PTGR2: variants seen among roughly 807,000 people sequenced by gnomAD.
PTGR2 encodes 15-oxoprostaglandin 13-reductase.
Under a neutral mutation model 43.4 loss-of-function variants are expected in PTGR2, and 32 were observed. The observed-to-expected ratio is 0.74, with a 90% CI of 0.56 to 0.99. The LOEUF (loss-of-function observed/expected upper bound fraction) is 0.99, where lower values mean the gene tolerates loss of function less well. PTGR2 is among the 50% of genes least tolerant of loss of function. PTGR2 has a pLI of 0.00. For synonymous variants in PTGR2, 106 were observed against 139.2 expected (o/e 0.76, Z 1.68); for missense variants, 373 against 420.0 (o/e 0.89, Z 0.98).
rs374905546 is a variant in PTGR2, at chr14:73,884,115, A to G, written c.994A>G (p.Met332Val). Residue 332 changes from methionine to valine, a missense_variant, in exon 10 of 10, where the codon ATG becomes GTG. By Grantham distance (21) the Met-to-Val change is conservative (BLOSUM62 1). Transcript: ENST00000555661. ...LENMGAAFQS[M>V]MTGGNIGKQI... ...TCTTTTTCCAGCTGCATTCCAGTCCATGATGACAGGAGGTAACATTGGAAA... is the reference window on the plus strand; with the variant it reads ...TCTTTTTCCAGCTGCATTCCAGTCCGTGATGACAGGAGGTAACATTGGAAA... The G allele has an allele frequency of 8.7e-6, 14 of 1,605,864 alleles. No homozygotes were observed. Among genetic ancestry groups the G allele is most frequent in the Non-Finnish European group, 1.2e-5 (14 of 1,175,598 alleles).
intron 4 of PTGR2, chr14:73,874,713 G>T: frequency 5.1e-6 from 2 of 390,958 alleles, no homozygotes; most frequent in Admixed American, 6.5e-5. Flanking sequence ...AAGGAATGGG[G>T]CTTGAGGTTT....
At chr14:73,880,646 T>C (rs1034211173) in intron 7 of PTGR2, among the ~76,000 whole-genome samples, 1 of 151,720 alleles carries the variant, frequency 6.6e-6, no homozygotes. Context: ...TGGTTCAATA[T>C]TTAGGTTCTG....
intron 3 of PTGR2, among the ~76,000 whole-genome samples, chr14:73,867,138 G>A (rs913051099): frequency 3.3e-5 from 5 of 149,738 alleles, no homozygotes; most frequent in Admixed American, 3.3e-4. Flanking sequence ...AGAAGAAGAA[G>A]GTTGAACTAA....
intron 4 of PTGR2, among the ~76,000 whole-genome samples, chr14:73,875,657 A>T (rs2054843283): frequency 6.6e-6 from 1 of 151,108 alleles, no homozygotes; most frequent in Admixed American, 6.6e-5. Context: ...GTTGATATTT[A>T]TAGGTACATG....
chr14:73,881,176 G>A, intron 7 of PTGR2, 29 bp from the exon 8 acceptor site: 1 of 1,341,896 alleles, frequency 7.5e-7, no homozygotes, highest in African/African-American at 1.4e-5. Context: ...TATATTCTCT[G>A]ATCATTATCC....
At chr14:73,878,713 G>A in intron 5 of PTGR2, 2 of 389,884 alleles carry the variant, frequency 5.1e-6, no homozygotes, top group Admixed American at 6.5e-5. Flanking sequence ...GTACTGTGTT[G>A]CCAGATGATT....
At position 73,885,586 on chromosome 14, in the gene PTGR2, G is replaced by C. The variant is rs1017528633; in HGVS notation, c.*1409G>C. On this transcript the variant is annotated 3_prime_UTR_variant, in exon 10 of 10. Coordinates refer to ENST00000555661, the MANE Select transcript of PTGR2 (RefSeq NM_001146154.2). Reference sequence around the variant, plus strand: ...CAGTTTTCGTGAGTGGCCCTTTTTTGTTACTTTTCCTGGACCATTTCATCG... The same window carrying C: ...CAGTTTTCGTGAGTGGCCCTTTTTTCTTACTTTTCCTGGACCATTTCATCG... The C allele has an allele frequency of 6.6e-6, 1 of 151,964 alleles. No individual in the cohort carries two copies. Among genetic ancestry groups the C allele is most frequent in the African/African-American group, 2.4e-5 (1 of 41,358 alleles). The allele number at this position is 151,964 out of a possible 1,614,324, so 9.4% of individuals were successfully genotyped here.
At chr14:73,872,091 T>A (rs1005789920) in intron 3 of PTGR2, among the ~76,000 whole-genome samples, 1 of 152,140 alleles carries the variant, frequency 6.6e-6, no homozygotes, top group African/African-American at 2.4e-5. Context: ...TCCTCTACAT[T>A]TTGGATTTCA....
chr14:73,873,184 C>G (rs2054777811), intron 3 of PTGR2, among the ~76,000 whole-genome samples: 1 of 149,662 alleles, frequency 6.7e-6, no homozygotes, highest in Non-Finnish European at 1.5e-5. Context: ...GCACATGCCT[C>G]TAATCCCAGC....
At position 73,882,439 on chromosome 14, in the gene PTGR2, G is replaced by A; in HGVS notation, c.979+1G>A. On this transcript the variant is annotated splice_donor_variant, in intron 9 of 9. Coordinates refer to ENST00000555661, the MANE Select transcript of PTGR2 (RefSeq NM_001146154.2). LOFTEE classifies it high-confidence loss of function. ...ATAAATGGGTTGGAAAACATGGGAG[G>A]TAAGATGAATGTAGACTTATTATAT... 1 of 1,557,864 alleles carries A rather than the reference G, an allele frequency of 6.4e-7. No individual in the cohort carries two copies. Among genetic ancestry groups the A allele is most frequent in the Non-Finnish European group, 8.8e-7 (1 of 1,130,024 alleles).
At chr14:73,868,627 CCT>C (rs2054656512) in intron 3 of PTGR2, among the ~76,000 whole-genome samples, 1 of 152,040 alleles carries the variant, frequency 6.6e-6, no homozygotes, top group African/African-American at 2.4e-5. Flanking sequence ...CTCACACTCC[CCT>C]GCCTTAAATC....
chr14:73,881,140 G>A, intron 7 of PTGR2, 65 bp from the exon 8 acceptor site: 2 of 965,410 alleles, frequency 2.1e-6, no homozygotes, highest in East Asian at 2.4e-5. Context: ...TTCTGGAATG[G>A]TTTGATCTTG....
At chr14:73,869,887 G>C (rs954888843) in intron 3 of PTGR2, among the ~76,000 whole-genome samples, 1 of 152,166 alleles carries the variant, frequency 6.6e-6, no homozygotes, top group African/African-American at 2.4e-5. Flanking sequence ...TTAGCCAGGC[G>C]TGGTGGCATG....
intron 3 of PTGR2, among the ~76,000 whole-genome samples, chr14:73,873,508 T>C (rs2054785457): frequency 6.6e-6 from 1 of 151,396 alleles, no homozygotes; most frequent in Admixed American, 6.6e-5. Flanking sequence ...TTGCCCAGGC[T>C]GGATGGAGTA....
intron 3 of PTGR2, among the ~76,000 whole-genome samples, chr14:73,873,194 C>A (rs2054777970): frequency 6.6e-6 from 1 of 151,756 alleles, no homozygotes; most frequent in South Asian, 2.1e-4. Context: ...CTAATCCCAG[C>A]TACTCGGGAG....
chr14:73,857,664 G>GTTTTGTTTTTTTTTTTTTTT (rs2054383610), intron 1 of PTGR2, among the ~76,000 whole-genome samples: 2 of 64,696 alleles, frequency 3.1e-5, no homozygotes, highest in East Asian at 5.4e-4. Context: ...AGCAGTTAGT[G>GTTTTGTTTTTTTTTTTTTTT]TTTTTTTTTT....
intron 3 of PTGR2, among the ~76,000 whole-genome samples, chr14:73,862,279 C>T (rs577659423): frequency 1.3e-5 from 2 of 152,100 alleles, no homozygotes; most frequent in African/African-American, 4.8e-5. Flanking sequence ...GCGATCTCGG[C>T]TCACTGCAAG....
chr14:73,860,732 T>C, intron 3 of PTGR2, 75 bp downstream of exon 3: 1 of 770,768 alleles, frequency 1.3e-6, no homozygotes, highest in East Asian at 2.5e-5. Context: ...CTGAATCTTA[T>C]TGTGCAGTCC....
At chr14:73,882,184 T>C (rs1886917392) in intron 8 of PTGR2, among the ~76,000 whole-genome samples, 1 of 152,234 alleles carries the variant, frequency 6.6e-6, no homozygotes, top group Non-Finnish European at 1.5e-5. Context: ...GCTTGTGATC[T>C]GTTACTAATT....
Sources: allele counts gnomAD v4.1 joint callset (sites outside exome capture counted in the v4.1 genomes callset), GRCh38; gene constraint gnomAD v4.1.1; transcripts MANE v1.5; gene names NCBI Gene and HGNC (gene_info 2026-07-23, HGNC 2026-07-21).